FAM83B: variants seen among roughly 807,000 people sequenced by gnomAD.
FAM83B encodes scaffolding CK1 anchoring protein B.
In FAM83B, 26 loss-of-function variants were observed where a neutral mutation model predicts 38.8. The ratio of observed to expected loss-of-function variants is 0.67; its 90% CI spans 0.49 to 0.93. The LOEUF is 0.93. FAM83B is among the 40% of genes least tolerant of loss of function. FAM83B has a pLI of 0.00. For missense variants in FAM83B, 1,237 were observed against 1,197.3 expected (o/e 1.03, Z -0.49); for synonymous variants, 419 against 423.1 (o/e 0.99, Z 0.12).
chr6:54,920,853 A>G (rs914400086), intron 2 of FAM83B, among the ~76,000 whole-genome samples: 1 of 151,836 alleles, frequency 6.6e-6, no homozygotes, highest in South Asian at 2.1e-4. Context: ...CATTTTCCCA[A>G]CACACTGTTT....
intron 1 of FAM83B, among the ~76,000 whole-genome samples, chr6:54,849,210 T>C (rs1771209099): frequency 6.6e-6 from 1 of 152,176 alleles, no homozygotes; most frequent in South Asian, 2.1e-4. Context: ...CCATCAAGAA[T>C]CAAAGCCAAC....
chr6:54,900,421 A>AAT (rs1320057180), intron 2 of FAM83B, among the ~76,000 whole-genome samples: 1 of 152,218 alleles, frequency 6.6e-6, no homozygotes, highest in Non-Finnish European at 1.5e-5. Flanking sequence ...ATTCTTGAAG[A>AAT]ATATTGAAGC....
rs201108403 is a variant in FAM83B at position 54,848,104 on chromosome 6, GT to G, written c.-61+1279del. The stretch of plus-strand genomic sequence containing the variant: ...CTGGGGTTTTTTGTTTTTTATTGGA[GT>G]GGGGGTGGGGGTGGCGGTGGGAGGC... On this transcript the variant is annotated intron_variant, in intron 1 of 4. Transcript: ENST00000306858. Among the ~76,000 whole-genome samples, 651 of 146,774 alleles carry G rather than the reference GT, an allele frequency of 4.4e-3. 13 individuals carry two copies. Among genetic ancestry groups the G allele is most frequent in the African/African-American group, 0.016 (617 of 39,016 alleles).
rs1194205656 is a variant in FAM83B, at chr6:54,941,644, T to G, written c.2673T>G (p.Thr891=). ...ATGCCTCTGCCCCAAGATTTAACACTGAACAGATCCAATACCGAGATTCAA... is the reference window on the plus strand; with the variant it reads ...ATGCCTCTGCCCCAAGATTTAACACGGAACAGATCCAATACCGAGATTCAA... ...AGDASAPRFN[T]EQIQYRDSRE... Residue 891 remains threonine, a synonymous_variant, in exon 5 of 5, where the codon ACT becomes ACG. Coordinates refer to ENST00000306858, the MANE Select transcript of FAM83B (RefSeq NM_001010872.3). 6 of 1,613,996 alleles carry G rather than the reference T, an allele frequency of 3.7e-6. No individual in the cohort carries two copies. The highest frequency in any genetic ancestry group is 1.7e-5 in the Admixed American group (1 of 59,974).
intron 2 of FAM83B, among the ~76,000 whole-genome samples, chr6:54,887,130 A>C (rs1772296465): frequency 6.6e-6 from 1 of 151,944 alleles, no homozygotes; most frequent in Non-Finnish European, 1.5e-5. Context: ...GCATTTGGTA[A>C]ATGTTTAATG....
At chr6:54,894,568 G>C (rs911905024) in intron 2 of FAM83B, among the ~76,000 whole-genome samples, 4 of 152,116 alleles carry the variant, frequency 2.6e-5, no homozygotes, top group African/African-American at 7.2e-5. Flanking sequence ...TTTTAATTAA[G>C]AATCTATGCC....
chr6:54,860,281 T>C (rs1353516593), intron 1 of FAM83B, among the ~76,000 whole-genome samples: 1 of 152,174 alleles, frequency 6.6e-6, no homozygotes, highest in Non-Finnish European at 1.5e-5. Flanking sequence ...AAAATGAAGC[T>C]GGAGAGTCTG....
chr6:54,933,984 A>G (rs79063856), intron 4 of FAM83B, among the ~76,000 whole-genome samples: 1,754 of 152,226 alleles, frequency 0.012, 15 homozygotes, highest in Middle Eastern at 0.024. Context: ...AGCTGGCCAA[A>G]CATCACAGGT....
chr6:54,857,673 T>G (rs1188253929), intron 1 of FAM83B, among the ~76,000 whole-genome samples: 1 of 152,178 alleles, frequency 6.6e-6, no homozygotes, highest in African/African-American at 2.4e-5. Flanking sequence ...AGTGGTAAAT[T>G]AGAATATACA....
At position 54,857,628 on chromosome 6, in the gene FAM83B, T is replaced by C. The variant is rs1187790330; in HGVS notation, c.-61+10802T>C. ...TAGGTCTTATCCAAGACAGTGATGA[T>C]ACCTAAAATATGGAATAACCAACAT... On this transcript the variant is annotated intron_variant, in intron 1 of 4. Transcript: ENST00000306858. Among the ~76,000 whole-genome samples, 5 of 152,214 alleles carry C rather than the reference T, an allele frequency of 3.3e-5. No homozygotes were observed. In the East Asian group the frequency reaches 9.6e-4, roughly 29 times the overall value.
At chr6:54,896,603 C>G (rs1327555320) in intron 2 of FAM83B, among the ~76,000 whole-genome samples, 1 of 152,098 alleles carries the variant, frequency 6.6e-6, no homozygotes, top group East Asian at 1.9e-4. Flanking sequence ...AAGAAGCGTA[C>G]AAAAGAATAC....
intron 2 of FAM83B, among the ~76,000 whole-genome samples, chr6:54,876,286 T>C (rs1284897847): frequency 2.8e-5 from 1 of 35,204 alleles, no homozygotes; most frequent in African/African-American, 9.5e-5. Flanking sequence ...TGCATATATA[T>C]ATATATATAT....
intron 2 of FAM83B, among the ~76,000 whole-genome samples, chr6:54,903,542 T>C (rs1772709867): frequency 6.6e-6 from 1 of 152,212 alleles, no homozygotes. Context: ...CATCTGTTAT[T>C]GAGGTCTTGT....
chr6:54,931,336 C>G (rs1773415667), intron 4 of FAM83B, among the ~76,000 whole-genome samples: 1 of 152,004 alleles, frequency 6.6e-6, no homozygotes, highest in South Asian at 2.1e-4. Flanking sequence ...TGTCTGTGTT[C>G]CTTTTGATCT....
intron 2 of FAM83B, among the ~76,000 whole-genome samples, chr6:54,925,349 A>G (rs1172345187): frequency 6.6e-6 from 1 of 152,144 alleles, no homozygotes; most frequent in Admixed American, 6.6e-5. Flanking sequence ...ACTAGAATGT[A>G]AGCTTCATAA....
At chr6:54,910,492 CT>C (rs760178778) in intron 2 of FAM83B, among the ~76,000 whole-genome samples, 1 of 152,164 alleles carries the variant, frequency 6.6e-6, no homozygotes, top group Non-Finnish European at 1.5e-5. Context: ...GGCTTCCTTG[CT>C]GCCTGCCTTT....
At chr6:54,909,835 A>AGCCTG (rs1439725922) in intron 2 of FAM83B, among the ~76,000 whole-genome samples, 1 of 152,196 alleles carries the variant, frequency 6.6e-6, no homozygotes, top group African/African-American at 2.4e-5. Flanking sequence ...GGACTGCAGA[A>AGCCTG]GCCTGTGCCT....
chr6:54,908,131 GAAA>G lies in FAM83B; in HGVS notation c.445-18224_445-18222del, dbSNP rs200867108. The stretch of plus-strand genomic sequence containing the variant: ...ATTTCTGCCTTCTTGGGATTTCATG[GAAA>G]AAAAAAAAAAAAAAAGTCTAGCAAT... On this transcript the variant is annotated intron_variant, in intron 2 of 4. Coordinates refer to ENST00000306858, the MANE Select transcript of FAM83B (RefSeq NM_001010872.3). Among the ~76,000 whole-genome samples, 703 of 138,958 alleles carry G rather than the reference GAAA, an allele frequency of 5.1e-3. 2 individuals carry two copies. The highest frequency in any genetic ancestry group is 0.029 in the Middle Eastern group (8 of 272). The allele number at this position is 138,958 out of a possible 152,430, so 91.2% of individuals were successfully genotyped here. A position where few individuals can be genotyped will look rare whatever the true frequency, so the allele number is the denominator to read the frequency against.
intron 2 of FAM83B, among the ~76,000 whole-genome samples, chr6:54,921,517 T>G (rs1001755216): frequency 3.3e-5 from 5 of 151,976 alleles, no homozygotes; most frequent in African/African-American, 1.2e-4. Flanking sequence ...TCTGAAAGTT[T>G]TCTAAGTCTC....
Sources: allele counts gnomAD v4.1 joint callset (sites outside exome capture counted in the v4.1 genomes callset), GRCh38; gene constraint gnomAD v4.1.1; transcripts MANE v1.5; gene names NCBI Gene and HGNC (gene_info 2026-07-23, HGNC 2026-07-21).